The following ITM2B variants were observed in gnomAD, a reference collection of about 807,000 sequenced individuals.
ITM2B encodes the protein ABri/ADan amyloid peptide.
In ITM2B, 11 loss-of-function variants were observed where a neutral mutation model predicts 27.8. That is an observed-to-expected ratio of 0.40 (90% CI 0.25 to 0.66). The LOEUF (loss-of-function observed/expected upper bound fraction) is 0.66. ITM2B is among the 30% of genes least tolerant of loss of function. ITM2B has a pLI of 0.43. For missense variants in ITM2B, 296 were observed against 328.9 expected (o/e 0.90, Z 0.77); for synonymous variants, 114 against 114.3 (o/e 1.00, Z 0.02).
chr13:48,235,133 C>A (rs191668453), intron 1 of ITM2B, among the ~76,000 whole-genome samples: 1 of 152,160 alleles, frequency 6.6e-6, no homozygotes. Flanking sequence ...TTTCTCTGTT[C>A]CGCTGTAGTG....
chr13:48,247,386 G>A (rs1004495203), intron 1 of ITM2B, among the ~76,000 whole-genome samples: 5 of 152,058 alleles, frequency 3.3e-5, no homozygotes, highest in Non-Finnish European at 5.9e-5. Flanking sequence ...TTAACACTAA[G>A]AGTTGTTTTC....
At chr13:48,259,103 AATT>A (rs1951807220) in intron 5 of ITM2B, among the ~76,000 whole-genome samples, 156 bp downstream of exon 5, 1 of 152,220 alleles carries the variant, frequency 6.6e-6, no homozygotes, top group African/African-American at 2.4e-5. Flanking sequence ...GAATTATCTT[AATT>A]CCATTTAGTA....
At chr13:48,258,413 A>T (rs1951802404) in intron 4 of ITM2B, among the ~76,000 whole-genome samples, 177 bp downstream of exon 4, 1 of 152,208 alleles carries the variant, frequency 6.6e-6, no homozygotes, top group Non-Finnish European at 1.5e-5. Flanking sequence ...AATTGAAATA[A>T]ATTTCTCAAA....
Position 48,268,442 on chromosome 13 carries a change from C to G in ITM2B, c.*7218C>G, listed in dbSNP as rs549865227. The G allele has an allele frequency of 6.6e-6, 1 of 151,986 alleles. No homozygotes were observed. The highest frequency in any genetic ancestry group is 2.4e-5 in the African/African-American group (1 of 41,442). The allele number at this position is 151,986 out of a possible 1,614,324, so 9.4% of individuals were successfully genotyped here. On this transcript the variant is annotated 3_prime_UTR_variant, in exon 6 of 6. Coordinates refer to ENST00000647800, the MANE Select transcript of ITM2B (RefSeq NM_021999.5). The stretch of plus-strand genomic sequence containing the variant: ...CTCAGCCTCCCGAGTAGCTAAGACT[C>G]TACAGGCGTATGCCACCATACCTAG...
chr13:48,251,096 A>G (rs1951753384), intron 1 of ITM2B, among the ~76,000 whole-genome samples: 1 of 152,266 alleles, frequency 6.6e-6, no homozygotes, highest in South Asian at 2.1e-4. Context: ...GTCAAACTCT[A>G]GCATGGTTTA....
At chr13:48,250,557 T>G (rs557102300) in intron 1 of ITM2B, among the ~76,000 whole-genome samples, 63 of 151,518 alleles carry the variant, frequency 4.2e-4, no homozygotes, top group African/African-American at 1.3e-3. Context: ...GGTGGAGCTT[T>G]CAGTGAGCTG....
At chr13:48,245,275 G>C (rs997416441) in intron 1 of ITM2B, among the ~76,000 whole-genome samples, 1 of 151,430 alleles carries the variant, frequency 6.6e-6, no homozygotes, top group Non-Finnish European at 1.5e-5. Flanking sequence ...GCAGTGAGCT[G>C]AGATGGCACC....
At chr13:48,250,617 CAA>C (rs759162948) in intron 1 of ITM2B, among the ~76,000 whole-genome samples, 18 of 120,342 alleles carry the variant, frequency 1.5e-4, no homozygotes, top group African/African-American at 1.5e-4. Flanking sequence ...GACTCCATCT[CAA>C]AAAAAAAAAA....
At chr13:48,253,727 A>G in intron 1 of ITM2B, 81 bp from the exon 2 acceptor site, 1 of 1,357,626 alleles carries the variant, frequency 7.4e-7, no homozygotes, top group Non-Finnish European at 1.1e-6. Context: ...TAAAATGATA[A>G]TCATTAAGGT....
rs578006622 is a variant in ITM2B at position 48,261,171 on chromosome 13, G to A, written c.748G>A (p.Ala250Thr). 18 of 1,612,142 alleles carry A rather than the reference G, an allele frequency of 1.1e-5. No homozygotes were observed. Among genetic ancestry groups the A allele is most frequent in the East Asian group, 8.9e-5 (4 of 44,764 alleles). The change falls in exon 6 of 6, where the codon GCA (alanine) becomes ACA (threonine). Residue 250 changes from alanine to threonine, a missense_variant. Physicochemically the swap from Ala to Thr is moderately conservative, Grantham distance 58. Coordinates refer to ENST00000647800, the MANE Select transcript of ITM2B (RefSeq NM_021999.5). Reference protein sequence around the residue: ...IQKREASNCFAIRHFENKFAV... With the variant: ...IQKREASNCFTIRHFENKFAV... The stretch of plus-strand genomic sequence containing the variant: ...GAAACGTGAAGCCAGCAATTGTTTC[G>A]CAATTCGGCATTTTGAAAACAAATT...
At chr13:48,251,242 A>G (rs1018804496) in intron 1 of ITM2B, among the ~76,000 whole-genome samples, 6 of 152,172 alleles carry the variant, frequency 3.9e-5, no homozygotes, top group African/African-American at 1.4e-4. Context: ...ATTTTGAAAA[A>G]TCATTGCCAT....
intron 1 of ITM2B, among the ~76,000 whole-genome samples, chr13:48,246,779 A>G (rs978926274): frequency 7.2e-5 from 11 of 152,204 alleles, no homozygotes; most frequent in Non-Finnish European, 1.0e-4. Context: ...GAGAGAAAAA[A>G]AAGATAAGAG....
In ITM2B at chr13:48,260,001, C is replaced by A. The variant is rs144471440; in HGVS notation, c.715+1054C>A. 1.8e-4 allele frequency among the ~76,000 whole-genome samples: 27 copies of A among 152,152 alleles called. 1 individual carries two copies. The highest frequency in any genetic ancestry group is 6.3e-4 in the African/African-American group (26 of 41,516). ...CTCCTAATGTTATCCCTCCCCTAGG[C>A]CCCCACCTCCCGACAGGCCCCAGTG... On this transcript the variant is annotated intron_variant, in intron 5 of 5. Coordinates refer to ENST00000647800, the MANE Select transcript of ITM2B (RefSeq NM_021999.5).
chr13:48,255,230 AGTGTGTGTGTGT>A lies in ITM2B; in HGVS notation c.247-933_247-922del, dbSNP rs57255200. On this transcript the variant is annotated intron_variant, in intron 2 of 5. Transcript: ENST00000647800. ...TCTTTATTGTGTGTGTAGTGTGTGT[AGTGTGTGTGTGT>A]GTGTGTGTGTGTGCGCGCGCGTGTG... is the stretch of plus-strand genomic sequence containing the variant. Among the ~76,000 whole-genome samples, 12 of 149,704 alleles carry A rather than the reference AGTGTGTGTGTGT, an allele frequency of 8.0e-5. No individual in the cohort carries two copies. In the East Asian group the frequency reaches 1.2e-3, roughly 15 times the overall value.
At chr13:48,245,813 G>A (rs1234660692) in intron 1 of ITM2B, among the ~76,000 whole-genome samples, 1 of 143,706 alleles carries the variant, frequency 7.0e-6, no homozygotes, top group Non-Finnish European at 1.5e-5. Context: ...GTCTTTCTCT[G>A]TCGCCCAGGC....
chr13:48,253,686 C>G, intron 1 of ITM2B, 122 bp from the exon 2 acceptor site: 1 of 1,006,904 alleles, frequency 9.9e-7, no homozygotes, highest in Non-Finnish European at 1.5e-6. Context: ...ATGAGAGACA[C>G]AACTCCTTTG....
rs1951730414 is a variant in ITM2B at position 48,247,342 on chromosome 13, CT to C, written c.118-6459del. ...TTGAGTTGAATAAATGGTATTGGTTCTTTTTTTATGTATATTTTTTGATAAT... is the reference window on the plus strand; with the variant it reads ...TTGAGTTGAATAAATGGTATTGGTTCTTTTTTATGTATATTTTTTGATAAT... On this transcript the variant is annotated intron_variant, in intron 1 of 5. Transcript: ENST00000647800. 3.3e-5 allele frequency among the ~76,000 whole-genome samples: 5 copies of C among 152,098 alleles called. No homozygotes were observed. The Middle Eastern group carries it at 0.017, about 517-fold the overall frequency.
chr13:48,233,243 C>G lies in ITM2B; in HGVS notation c.-118C>G. On this transcript the variant is annotated 5_prime_UTR_variant, in exon 1 of 6. Transcript: ENST00000647800. ...TGCCGCCGCGGAGCTTCCCGAACCT[C>G]TTCAGCCGCCCGGAGCCGCTCCCGG... 2 of 596,804 alleles carry G rather than the reference C, an allele frequency of 3.4e-6. No homozygotes were observed. The highest frequency in any genetic ancestry group is 5.6e-6 in the Non-Finnish European group (2 of 355,832). The allele number at this position is 596,804 out of a possible 1,614,324, so 37.0% of individuals were successfully genotyped here.
chr13:48,265,275 C>T lies in ITM2B; in HGVS notation c.*4051C>T, dbSNP rs1265406888. On this transcript the variant is annotated 3_prime_UTR_variant, in exon 6 of 6. Transcript: ENST00000647800. ...TAACGTGCGATACAATAATGTGTGA[C>T]ACAAAATGACCTAGTTCTTGCCCTA... 1 of 152,188 alleles carries T rather than the reference C, an allele frequency of 6.6e-6. No individual in the cohort carries two copies. The highest frequency in any genetic ancestry group is 1.5e-5 in the Non-Finnish European group (1 of 68,044). 9.4% of individuals were successfully genotyped at this position (152,188 alleles called of 1,614,324 possible). A position where few individuals can be genotyped will look rare whatever the true frequency, so the allele number is the denominator to read the frequency against.
Sources: gnomAD v4.1 joint callset for allele counts (sites outside exome capture counted in the v4.1 genomes callset) on GRCh38, gnomAD v4.1.1 for gene constraint, MANE v1.5 for transcripts, NCBI Gene and HGNC (gene_info 2026-07-23, HGNC 2026-07-21) for gene names.